The following TBC1D22A variants were observed in gnomAD, a reference collection of about 807,000 sequenced individuals.
TBC1D22A encodes putative GTPase activator.
TBC1D22A carries 38 observed loss-of-function variants against 60.2 expected under a neutral mutation model. The ratio of observed to expected loss-of-function variants is 0.63; its 90% CI spans 0.49 to 0.83. The LOEUF is 0.83. Ranked by LOEUF, TBC1D22A falls within the 40% of genes least tolerant of loss-of-function variation. The probability of loss-of-function intolerance (pLI) is 0.00; values close to 1 mark genes in which losing one functional copy is unlikely to be tolerated. For synonymous variants in TBC1D22A, 302 were observed against 281.7 expected (o/e 1.07, Z -0.72); for missense variants, 628 against 701.0 (o/e 0.90, Z 1.18).
intron 4 of TBC1D22A, among the ~76,000 whole-genome samples, chr22:46,844,570 G>A (rs1011332918): frequency 1.3e-5 from 2 of 152,188 alleles, no homozygotes; most frequent in Non-Finnish European, 2.9e-5. Context: ...ATAAGGATGG[G>A]GAGAGCTTAT....
At chr22:46,941,813 TATATATAGA>T (rs1224718717) in intron 8 of TBC1D22A, among the ~76,000 whole-genome samples, 6 of 133,284 alleles carry the variant, frequency 4.5e-5, no homozygotes, top group African/African-American at 9.4e-5. Flanking sequence ...ATATATAGAA[TATATATAGA>T]ATATATAGAA....
intron 7 of TBC1D22A, among the ~76,000 whole-genome samples, chr22:46,902,171 G>C (rs2069045190): frequency 6.6e-6 from 1 of 152,168 alleles, no homozygotes; most frequent in Non-Finnish European, 1.5e-5. Flanking sequence ...GAGGTTTTTA[G>C]GAAGAACCTT....
chr22:46,985,717 C>T (rs1237360181), intron 9 of TBC1D22A, among the ~76,000 whole-genome samples: 3 of 152,176 alleles, frequency 2.0e-5, no homozygotes, highest in African/African-American at 7.2e-5. Flanking sequence ...TTTCTGTGAA[C>T]ACTCATGTCC....
intron 11 of TBC1D22A, among the ~76,000 whole-genome samples, chr22:47,048,649 C>T (rs1320974273): frequency 6.6e-6 from 1 of 152,212 alleles, no homozygotes; most frequent in Non-Finnish European, 1.5e-5. Flanking sequence ...TCCCTCTCTC[C>T]TTTCCTCTGC....
At chr22:46,885,250 C>G (rs796170658) in intron 5 of TBC1D22A, among the ~76,000 whole-genome samples, 2 of 152,212 alleles carry the variant, frequency 1.3e-5, no homozygotes, top group African/African-American at 4.8e-5. Context: ...GTCCCCAGGT[C>G]TTCGGTGACT....
At chr22:46,937,349 A>G (rs775473485) in intron 8 of TBC1D22A, among the ~76,000 whole-genome samples, 1 of 152,224 alleles carries the variant, frequency 6.6e-6, no homozygotes, top group Non-Finnish European at 1.5e-5. Context: ...CGTATACCAC[A>G]GAACTGTGTG....
chr22:46,947,788 A>G (rs1449143319), intron 8 of TBC1D22A, among the ~76,000 whole-genome samples: 1 of 152,064 alleles, frequency 6.6e-6, no homozygotes, highest in Non-Finnish European at 1.5e-5. Context: ...CAGAGATATC[A>G]TGAGGACTGC....
intron 11 of TBC1D22A, among the ~76,000 whole-genome samples, chr22:47,046,368 C>G (rs1041836974): frequency 2.6e-5 from 4 of 152,168 alleles, no homozygotes; most frequent in African/African-American, 9.7e-5. Context: ...AGCCACGGGC[C>G]TGTGGGTCCC....
chr22:47,096,164 T>C (rs1244175646), intron 11 of TBC1D22A, among the ~76,000 whole-genome samples: 1 of 152,272 alleles, frequency 6.6e-6, no homozygotes, highest in Non-Finnish European at 1.5e-5. Flanking sequence ...ATCTGTTGTC[T>C]ATTTCTTGTT....
intron 10 of TBC1D22A, among the ~76,000 whole-genome samples, chr22:47,031,137 G>A (rs570852312): frequency 1.3e-5 from 2 of 152,170 alleles, no homozygotes; most frequent in Non-Finnish European, 2.9e-5. Flanking sequence ...CCATGGTCTC[G>A]TGCTGTGCCT....
chr22:47,108,994 C>T (rs964728467), intron 11 of TBC1D22A, among the ~76,000 whole-genome samples: 3 of 152,192 alleles, frequency 2.0e-5, no homozygotes, highest in Non-Finnish European at 4.4e-5. Context: ...TGCACCCGGC[C>T]TGAAATATAT....
intron 8 of TBC1D22A, among the ~76,000 whole-genome samples, chr22:46,956,807 G>A (rs960560008): frequency 3.9e-5 from 6 of 152,250 alleles, no homozygotes; most frequent in Non-Finnish European, 5.9e-5. Context: ...CACTTCCTCT[G>A]TCTTTCAGAT....
intron 9 of TBC1D22A, among the ~76,000 whole-genome samples, chr22:46,977,396 T>A (rs1300343475): frequency 1.3e-5 from 2 of 152,118 alleles, no homozygotes; most frequent in Admixed American, 1.3e-4. Flanking sequence ...GCGGAAGACT[T>A]TGGGGTGAGT....
intron 8 of TBC1D22A, among the ~76,000 whole-genome samples, chr22:46,926,573 T>G (rs948533618): frequency 2.0e-5 from 3 of 152,214 alleles, no homozygotes; most frequent in African/African-American, 7.2e-5. Flanking sequence ...TATTTGTAGC[T>G]GCAGTGTAGA....
At chr22:46,997,483 G>A (rs2075159089) in intron 9 of TBC1D22A, 151 bp from the exon 10 acceptor site, 9 of 633,556 alleles carry the variant, frequency 1.4e-5, no homozygotes, top group Non-Finnish European at 2.5e-5. Context: ...TGTGCAGGGT[G>A]CATCCACTTG....
At chr22:46,985,587 A>T (rs1419685992) in intron 9 of TBC1D22A, among the ~76,000 whole-genome samples, 1 of 152,218 alleles carries the variant, frequency 6.6e-6, no homozygotes, top group Non-Finnish European at 1.5e-5. Context: ...TGCCTGAATG[A>T]ATAGTTGATT....
chr22:47,101,294 G>T (rs1437013738), intron 11 of TBC1D22A, among the ~76,000 whole-genome samples: 1 of 152,248 alleles, frequency 6.6e-6, no homozygotes, highest in Non-Finnish European at 1.5e-5. Context: ...GTGTGAGGAA[G>T]ACTGGAAGTG....
At chr22:46,910,515 C>T (rs1271309619) in intron 7 of TBC1D22A, among the ~76,000 whole-genome samples, 1 of 151,982 alleles carries the variant, frequency 6.6e-6, no homozygotes, top group Non-Finnish European at 1.5e-5. Flanking sequence ...AGCGTGTGTT[C>T]CTGAAGTCTA....
chr22:47,119,798 A>G (rs1482700430), intron 12 of TBC1D22A, among the ~76,000 whole-genome samples: 1 of 152,170 alleles, frequency 6.6e-6, no homozygotes, highest in Non-Finnish European at 1.5e-5. Context: ...CCAGGCCTAG[A>G]CTGGGTAATT....
Sources: allele counts gnomAD v4.1 joint callset (sites outside exome capture counted in the v4.1 genomes callset), GRCh38; gene constraint gnomAD v4.1.1; transcripts MANE v1.5; gene names NCBI Gene and HGNC (gene_info 2026-07-23, HGNC 2026-07-21).